The following FAT3 variants were observed in gnomAD, a reference collection of about 807,000 sequenced individuals.
The protein encoded by FAT3 is protocadherin Fat 3.
In FAT3, 95 loss-of-function variants were observed where a neutral mutation model predicts 310.2. That is an observed-to-expected ratio of 0.31 (90% CI 0.26 to 0.36). The LOEUF is 0.36. Among genes scored for constraint, FAT3 ranks in the 10% least tolerant of loss-of-function variants. FAT3 has a pLI of 1.00. For synonymous variants in FAT3, 2,314 were observed against 2,192.9 expected (o/e 1.06, Z -1.54); for missense variants, 5,408 against 5,715.6 (o/e 0.95, Z 1.74).
chr11:92,856,326 TA>T (rs1349944934), intron 19 of FAT3, among the ~76,000 whole-genome samples: 1 of 152,084 alleles, frequency 6.6e-6, no homozygotes, highest in African/African-American at 2.4e-5. Flanking sequence ...TGGGTTTTTT[TA>T]AATTTGTGTC....
rs114771256 is a variant in FAT3 at position 92,799,317 on chromosome 11, C to T, written c.6304C>T (p.Leu2102=). 1,029 of 1,613,882 alleles carry T rather than the reference C, an allele frequency of 6.4e-4. 4 individuals carry two copies. The African/African-American group carries it at 0.012, about 19-fold the overall frequency. ...TCAAGTGGATGCGGAACCCGGGACT[C>T]TGATTTATCAGGTGACAGCCATTGA... ...AVQVDAEPGT[L]IYQVTAIDKD... is the part of the protein sequence containing the mutation. The change falls in exon 10 of 28, where the codon CTG becomes TTG. Residue 2102 remains leucine (L), a synonymous_variant. Coordinates refer to ENST00000525166, the MANE Select transcript of FAT3 (RefSeq NM_001367949.2).
At chr11:92,853,281 C>T (rs935536796) in intron 19 of FAT3, among the ~76,000 whole-genome samples, 1 of 152,240 alleles carries the variant, frequency 6.6e-6, no homozygotes, top group Non-Finnish European at 1.5e-5. Flanking sequence ...CTGTGTGAGG[C>T]TGCAGCTGGA....
intron 2 of FAT3, among the ~76,000 whole-genome samples, chr11:92,440,705 G>A (rs1196313209): frequency 6.6e-6 from 1 of 152,186 alleles, no homozygotes; most frequent in African/African-American, 2.4e-5. Flanking sequence ...GGCGGTGAAA[G>A]GGAGAGTTTC....
chr11:92,703,423 C>T (rs1026113357), intron 4 of FAT3, among the ~76,000 whole-genome samples: 10 of 152,180 alleles, frequency 6.6e-5, no homozygotes, highest in Admixed American at 5.9e-4. Context: ...TCTCTTTCTG[C>T]CACCTTCAGA....
chr11:92,618,662 A>G (rs1211135967), intron 3 of FAT3, among the ~76,000 whole-genome samples: 3 of 152,174 alleles, frequency 2.0e-5, no homozygotes, highest in Non-Finnish European at 4.4e-5. Flanking sequence ...TTGCTAATGC[A>G]TATAAATACA....
At chr11:92,783,377 A>AG in intron 7 of FAT3, among the ~76,000 whole-genome samples, 1 of 151,322 alleles carries the variant, frequency 6.6e-6, no homozygotes, top group East Asian at 1.9e-4. Context: ...AAAAAAAAAA[A>AG]AAAGGCAGTG....
chr11:92,382,061 A>G (rs935376656), intron 2 of FAT3, among the ~76,000 whole-genome samples: 1 of 152,204 alleles, frequency 6.6e-6, no homozygotes, highest in Non-Finnish European at 1.5e-5. Flanking sequence ...CTCTGGCTCA[A>G]ATCAATTGCA....
At chr11:92,767,600 C>T (rs1267589758) in intron 6 of FAT3, among the ~76,000 whole-genome samples, 1 of 152,152 alleles carries the variant, frequency 6.6e-6, no homozygotes, top group African/African-American at 2.4e-5. Flanking sequence ...CCAGGTCAGG[C>T]TTGCAACTCT....
chr11:92,744,989 A>G (rs904507481), intron 4 of FAT3, among the ~76,000 whole-genome samples: 3 of 152,250 alleles, frequency 2.0e-5, no homozygotes, highest in African/African-American at 7.2e-5. Flanking sequence ...GCTAGTAATT[A>G]GAGCCGTGTC....
In FAT3 at chr11:92,521,582, T is replaced by G. The variant is rs191649415; in HGVS notation, c.3293-3052T>G. Among the ~76,000 whole-genome samples the G allele has an allele frequency of 3.4e-3, 521 of 152,192 alleles. 15 individuals carry two copies. Among genetic ancestry groups the G allele is most frequent in the Admixed American group, 0.032 (482 of 15,262 alleles). ...TAATGATTACCACAACACTGAGAGA[T>G]GGGTATGAAAACAAGATTCGCTTGG... On this transcript the variant is annotated intron_variant, in intron 2 of 27. Transcript: ENST00000525166.
intron 2 of FAT3, among the ~76,000 whole-genome samples, chr11:92,417,715 TC>T (rs1406698512): frequency 6.6e-6 from 1 of 152,180 alleles, no homozygotes; most frequent in Non-Finnish European, 1.5e-5. Context: ...ATTTTTTTAG[TC>T]TTAAACCACT....
At chr11:92,235,448 C>T (rs186364638) in intron 1 of FAT3, among the ~76,000 whole-genome samples, 43 of 152,226 alleles carry the variant, frequency 2.8e-4, no homozygotes, top group Admixed American at 2.4e-3. Context: ...AAATTACCTG[C>T]GCGGGTGTCT....
At chr11:92,385,829 A>G (rs1949606827) in intron 2 of FAT3, among the ~76,000 whole-genome samples, 1 of 152,162 alleles carries the variant, frequency 6.6e-6, no homozygotes, top group Admixed American at 6.5e-5. Flanking sequence ...AAAAGTAGAA[A>G]ACATGAATAT....
Position 92,234,693 on chromosome 11 carries a change from G to A in FAT3, c.-18+9519G>A, listed in dbSNP as rs189703544. Among the ~76,000 whole-genome samples, 18 of 152,198 alleles carry A rather than the reference G, an allele frequency of 1.2e-4. No homozygotes were observed. The East Asian group carries it at 3.3e-3, about 28-fold the overall frequency. ...CCGAGACCAGTGGATCACAAGGTCA[G>A]GAGTTCAAGATCAGCCTGACCAACA... On this transcript the variant is annotated intron_variant, in intron 1 of 27. Coordinates refer to ENST00000525166, the MANE Select transcript of FAT3 (RefSeq NM_001367949.2).
At chr11:92,404,233 C>T (rs930637648) in intron 2 of FAT3, among the ~76,000 whole-genome samples, 1 of 152,048 alleles carries the variant, frequency 6.6e-6, no homozygotes, top group Non-Finnish European at 1.5e-5. Flanking sequence ...TTAAAAAAGA[C>T]ATTATTCCTG....
chr11:92,314,763 T>C (rs1947392626), intron 1 of FAT3, among the ~76,000 whole-genome samples: 1 of 152,218 alleles, frequency 6.6e-6, no homozygotes, highest in African/African-American at 2.4e-5. Flanking sequence ...TTTAGCTGTG[T>C]TATCTTGCAA....
intron 1 of FAT3, among the ~76,000 whole-genome samples, chr11:92,273,268 T>A (rs918977651): frequency 6.6e-6 from 1 of 152,120 alleles, no homozygotes; most frequent in Admixed American, 6.6e-5. Context: ...TTAAAATAGC[T>A]TCAACTTTTG....
At chr11:92,281,485 C>T (rs898606143) in intron 1 of FAT3, among the ~76,000 whole-genome samples, 2 of 152,138 alleles carry the variant, frequency 1.3e-5, no homozygotes, top group Non-Finnish European at 2.9e-5. Flanking sequence ...ATCAGGATGC[C>T]TCTCTTCTGC....
Position 92,792,793 on chromosome 11 carries a change from A to G in FAT3, c.4638A>G (p.Arg1546=). 6.2e-7 allele frequency: 1 copy of G among 1,613,798 alleles called. No homozygotes were observed. Among genetic ancestry groups the G allele is most frequent in the Non-Finnish European group, 8.5e-7 (1 of 1,179,744 alleles). ...TCAGAGATCAGGAGTTTCCTTATCG[A>G]AGAAACTTGGCCCGAGTCATTGTGA... ...IMVRDQEFPY[R]RNLARVIVNV... The change falls in exon 9 of 28, where the codon CGA becomes CGG. Residue 1546 remains arginine, a synonymous_variant. Transcript: ENST00000525166.
Sources: gnomAD v4.1 joint callset for allele counts (sites outside exome capture counted in the v4.1 genomes callset) on GRCh38, gnomAD v4.1.1 for gene constraint, MANE v1.5 for transcripts, NCBI Gene and HGNC (gene_info 2026-07-23, HGNC 2026-07-21) for gene names.